MFAP2: variants seen among roughly 807,000 people sequenced by gnomAD.
MFAP2 encodes the protein microfibril associated protein 2.
In MFAP2, 23 loss-of-function variants were observed where a neutral mutation model predicts 30.6. The observed-to-expected ratio is 0.75, with a 90% CI of 0.54 to 1.07. MFAP2 has a LOEUF of 1.07. Ranked by LOEUF, MFAP2 falls within the 50% of genes least tolerant of loss-of-function variation. The probability of loss-of-function intolerance (pLI) is 0.00; values close to 1 mark genes in which losing one functional copy is unlikely to be tolerated. For missense variants in MFAP2, 198 were observed against 223.8 expected (o/e 0.88, Z 0.74); for synonymous variants, 73 against 85.7 (o/e 0.85, Z 0.82).
chr1:16,975,917 G>A lies in MFAP2; in HGVS notation c.287-187C>T, dbSNP rs975224220. ...GACTTCCCAGGGCTGTAATATTCAC[G>A]TATCAATTCACAACCGCACTTACTA... On this transcript the variant is annotated intron_variant, in intron 6 of 8. Coordinates refer to ENST00000375535, the MANE Select transcript of MFAP2 (RefSeq NM_002403.4). The surrounding 1 kb of genome is among the most constrained non-coding windows in gnomAD (Gnocchi z 5.0). Among the ~76,000 whole-genome samples the A allele has an allele frequency of 1.3e-5, 2 of 152,018 alleles. No individual in the cohort carries two copies. Among genetic ancestry groups the A allele is most frequent in the Non-Finnish European group, 2.9e-5 (2 of 68,002 alleles).
In MFAP2 at chr1:16,977,406, GC is replaced by G; in HGVS notation, c.38-209del. 3 of 567,170 alleles carry G rather than the reference GC, an allele frequency of 5.3e-6. No individual in the cohort carries two copies. The South Asian group carries it at 6.7e-5, about 13-fold the overall frequency. 35.1% of individuals were successfully genotyped at this position (567,170 alleles called of 1,614,324 possible). On this transcript the variant is annotated intron_variant, in intron 2 of 8. Transcript: ENST00000375535. ...TGGGTCACCTCCCTGACCTTACCCT[GC>G]CCCTTCCTGTTGCTGGCCTCCTGGC...
rs745309197 is a variant in MFAP2 at position 16,976,968 on chromosome 1, C to T, written c.128-45G>A. 4.3e-6 allele frequency: 7 copies of T among 1,613,950 alleles called. No homozygotes were observed. The highest frequency in any genetic ancestry group is 1.6e-4 in the Middle Eastern group (1 of 6,062). On this transcript the variant is annotated intron_variant, in intron 3 of 8. Coordinates refer to ENST00000375535, the MANE Select transcript of MFAP2 (RefSeq NM_002403.4). The surrounding 1 kb of genome is among the most constrained non-coding windows in gnomAD (Gnocchi z 5.5). ...TGGAATTGGTGGGAGTAAGGCTAAT[C>T]CCCCAGCCCCTGGGGCAAACAAGTT...
chr1:16,980,479 C>T lies in MFAP2; in HGVS notation c.-42+108G>A, dbSNP rs988626281. 10 of 152,188 alleles carry T rather than the reference C, an allele frequency of 6.6e-5. No individual in the cohort carries two copies. In the East Asian group the frequency reaches 1.9e-3, roughly 30 times the overall value. 9.4% of individuals were successfully genotyped at this position (152,188 alleles called of 1,614,324 possible). A position where few individuals can be genotyped will look rare whatever the true frequency, so the allele number is the denominator to read the frequency against. ...GGGGTTCAGGAACCTCCGCGGCTGCCCCAGGATCGAGGACCCAGAGAGCCT... is the reference window on the plus strand; with the variant it reads ...GGGGTTCAGGAACCTCCGCGGCTGCTCCAGGATCGAGGACCCAGAGAGCCT... On this transcript the variant is annotated intron_variant, in intron 1 of 8. Coordinates refer to ENST00000375535, the MANE Select transcript of MFAP2 (RefSeq NM_002403.4).
In MFAP2 at chr1:16,976,592, T is replaced by C; in HGVS notation, c.242-47A>G. The stretch of plus-strand genomic sequence containing the variant: ...GCAGACATCACTGGGAGGGGTCTCC[T>C]CAGGGCAAGGGGAGTCACCTCTCCC... On this transcript the variant is annotated intron_variant, in intron 5 of 8. Coordinates refer to ENST00000375535, the MANE Select transcript of MFAP2 (RefSeq NM_002403.4). This position sits in a 1 kb window ranked among gnomAD's most constrained non-coding sequence, Gnocchi z 5.5. The C allele has an allele frequency of 1.2e-6, 2 of 1,613,574 alleles. No individual in the cohort carries two copies. The highest frequency in any genetic ancestry group is 1.7e-6 in the Non-Finnish European group (2 of 1,179,564).
intron 3 of MFAP2, 64 bp downstream of exon 3, chr1:16,977,045 C>T (rs563419813): frequency 9.9e-6 from 16 of 1,610,644 alleles, no homozygotes; most frequent in East Asian, 6.7e-5. Flanking sequence ...GTGTCCAGTG[C>T]GGTCCCTGGC....
intron 1 of MFAP2, among the ~76,000 whole-genome samples, chr1:16,979,750 G>A (rs2076621969): frequency 1.3e-5 from 2 of 152,242 alleles, no homozygotes; most frequent in South Asian, 4.1e-4. Flanking sequence ...GGTGTTGGGG[G>A]ATGCCTGTCG....
chr1:16,977,496 C>T (rs1248501735), intron 2 of MFAP2: 8 of 368,330 alleles, frequency 2.2e-5, no homozygotes, highest in Admixed American at 4.2e-5. Flanking sequence ...CTCCCTGGGC[C>T]TGTGAGGCCT....
upstream of MFAP2, among the ~76,000 whole-genome samples, chr1:16,981,252 G>A (rs551025241): frequency 6.6e-6 from 1 of 152,280 alleles, no homozygotes; most frequent in East Asian, 1.9e-4. Context: ...TGGGCTGTTG[G>A]GATTACAGGC....
chr1:16,976,447 C>T lies in MFAP2; in HGVS notation c.286+54G>A. The T allele has an allele frequency of 6.2e-7, 1 of 1,611,270 alleles. No individual in the cohort carries two copies. The highest frequency in any genetic ancestry group is 2.2e-5 in the East Asian group (1 of 44,878). On this transcript the variant is annotated intron_variant, in intron 6 of 8. Transcript: ENST00000375535. The surrounding 1 kb of genome is among the most constrained non-coding windows in gnomAD (Gnocchi z 5.5). ...AGCCCACCAGCACCACCCCCTACTC[C>T]ACCCCAACTTCAGGGCGTGCCTCCA...
Position 16,975,678 on chromosome 1 carries a change from AG to A in MFAP2, c.338del (p.Pro113LeufsTer50). ...PCTRLYSIHR[P>X]CKQCLNEVCF... Reference sequence around the variant, plus strand: ...AGACCTCGTTGAGACACTGTTTGCAAGGCCTGTGTATGGAGTAGAGGCGGGT... The same window carrying A: ...AGACCTCGTTGAGACACTGTTTGCAAGCCTGTGTATGGAGTAGAGGCGGGT... On this transcript the variant is annotated frameshift_variant, in exon 7 of 9. Transcript: ENST00000375535. LOFTEE classifies it high-confidence loss of function. This position sits in a 1 kb window ranked among gnomAD's most constrained non-coding sequence, Gnocchi z 5.0. 6.2e-7 allele frequency: 1 copy of A among 1,614,028 alleles called. No individual in the cohort carries two copies. The highest frequency in any genetic ancestry group is 8.5e-7 in the Non-Finnish European group (1 of 1,179,980).
Position 16,976,663 on chromosome 1 carries a change from G to T in MFAP2, c.241+45C>A, listed in dbSNP as rs1243895830. ...CCCAGGGTTGACAGGGTGGGGAGGG[G>T]TGAGGCAGGAGCTGAGACGGGTGGG... On this transcript the variant is annotated intron_variant, in intron 5 of 8. Coordinates refer to ENST00000375535, the MANE Select transcript of MFAP2 (RefSeq NM_002403.4). This position sits in a 1 kb window ranked among gnomAD's most constrained non-coding sequence, Gnocchi z 5.5. 6.2e-7 allele frequency: 1 copy of T among 1,610,320 alleles called. No individual in the cohort carries two copies. The highest frequency in any genetic ancestry group is 8.5e-7 in the Non-Finnish European group (1 of 1,178,054).
At position 16,976,823 on chromosome 1, in the gene MFAP2, G is replaced by A. The variant is rs202195379; in HGVS notation, c.155-29C>T. The A allele has an allele frequency of 8.7e-6, 14 of 1,613,962 alleles. No homozygotes were observed. In the East Asian group the frequency reaches 8.9e-5, roughly 10 times the overall value. On this transcript the variant is annotated intron_variant, in intron 4 of 8. Coordinates refer to ENST00000375535, the MANE Select transcript of MFAP2 (RefSeq NM_002403.4). The surrounding 1 kb of genome is among the most constrained non-coding windows in gnomAD (Gnocchi z 5.5). The stretch of plus-strand genomic sequence containing the variant: ...CAGCCAGGGGAGGATAAGGGGGTCT[G>A]CTCCCTCTACCCCTCCCAGGGGGTC...
In MFAP2 at chr1:16,975,680, G is replaced by T; in HGVS notation, c.337C>A (p.Pro113Thr). The change falls in exon 7 of 9, where the codon CCT (proline) becomes ACT (threonine). Residue 113 changes from proline to threonine, a missense_variant. By Grantham distance (38) the Pro-to-Thr change is conservative. Coordinates refer to ENST00000375535, the MANE Select transcript of MFAP2 (RefSeq NM_002403.4). This position sits in a 1 kb window ranked among gnomAD's most constrained non-coding sequence, Gnocchi z 5.0. ...ACCTCGTTGAGACACTGTTTGCAAG[G>T]CCTGTGTATGGAGTAGAGGCGGGTG... ...PCTRLYSIHRPCKQCLNEVCF... is the reference protein window; with the variant it reads ...PCTRLYSIHRTCKQCLNEVCF... 2 of 1,614,038 alleles carry T rather than the reference G, an allele frequency of 1.2e-6. No individual in the cohort carries two copies. The highest frequency in any genetic ancestry group is 1.7e-6 in the Non-Finnish European group (2 of 1,179,980).
At position 16,976,835 on chromosome 1, in the gene MFAP2, C is replaced by T. The variant is rs1200634355; in HGVS notation, c.155-41G>A. 6.2e-7 allele frequency: 1 copy of T among 1,614,058 alleles called. No homozygotes were observed. Among genetic ancestry groups the T allele is most frequent in the Non-Finnish European group, 8.5e-7 (1 of 1,179,972 alleles). ...GATAAGGGGGTCTGCTCCCTCTACC[C>T]CTCCCAGGGGGTCTCCCCACCCCAG... On this transcript the variant is annotated intron_variant, in intron 4 of 8. Coordinates refer to ENST00000375535, the MANE Select transcript of MFAP2 (RefSeq NM_002403.4). This position sits in a 1 kb window ranked among gnomAD's most constrained non-coding sequence, Gnocchi z 5.5.
In MFAP2 at chr1:16,976,479, CA is replaced by C. The variant is rs1411049953; in HGVS notation, c.286+21del. 6.2e-7 allele frequency: 1 copy of C among 1,614,134 alleles called. No homozygotes were observed. Among genetic ancestry groups the C allele is most frequent in the East Asian group, 2.2e-5 (1 of 44,884 alleles). ...ACTTCAGGGCGTGCCTCCATTTTTC[CA>C]GCTGTCAAGAAAGCCCTTACCAAGA... On this transcript the variant is annotated intron_variant, in intron 6 of 8. Transcript: ENST00000375535. This position sits in a 1 kb window ranked among gnomAD's most constrained non-coding sequence, Gnocchi z 5.5.
Position 16,975,511 on chromosome 1 carries a change from A to C in MFAP2, c.374+132T>G. On this transcript the variant is annotated intron_variant, in intron 7 of 8. Coordinates refer to ENST00000375535, the MANE Select transcript of MFAP2 (RefSeq NM_002403.4). The surrounding 1 kb of genome is among the most constrained non-coding windows in gnomAD (Gnocchi z 5.0). ...GGAGGTCCCTGGCCCAGGCTCAACC[A>C]CAGAACTGAGCTCAACTTAAGGACT... 1 of 1,238,922 alleles carries C rather than the reference A, an allele frequency of 8.1e-7. No individual in the cohort carries two copies. The allele number at this position is 1,238,922 out of a possible 1,614,324, so 76.7% of individuals were successfully genotyped here.
Position 16,975,768 on chromosome 1 carries a change from G to A in MFAP2, c.287-38C>T, listed in dbSNP as rs2076585663. 6.3e-7 allele frequency: 1 copy of A among 1,592,208 alleles called. No individual in the cohort carries two copies. Among genetic ancestry groups the A allele is most frequent in the African/African-American group, 1.3e-5 (1 of 74,438 alleles). On this transcript the variant is annotated intron_variant, in intron 6 of 8. Transcript: ENST00000375535. The surrounding 1 kb of genome is among the most constrained non-coding windows in gnomAD (Gnocchi z 5.0). ...GGGGTCAGACTAGGAGCCCAGAGTG[G>A]GGGGCGGCCCCCAGCCTCACCCACC...
chr1:16,976,979 T>G lies in MFAP2; in HGVS notation c.128-56A>C, dbSNP rs374155216. On this transcript the variant is annotated intron_variant, in intron 3 of 8. Transcript: ENST00000375535. The surrounding 1 kb of genome is among the most constrained non-coding windows in gnomAD (Gnocchi z 5.5). Reference sequence around the variant, plus strand: ...GGAGTAAGGCTAATCCCCCAGCCCCTGGGGCAAACAAGTTCCCTCCTGAGC... The same window carrying G: ...GGAGTAAGGCTAATCCCCCAGCCCCGGGGGCAAACAAGTTCCCTCCTGAGC... 2.5e-6 allele frequency: 4 copies of G among 1,613,864 alleles called. No homozygotes were observed. The highest frequency in any genetic ancestry group is 1.1e-5 in the South Asian group (1 of 91,078).
At position 16,978,321 on chromosome 1, in the gene MFAP2, A is replaced by G; in HGVS notation, c.-41-7T>C. On this transcript the variant is annotated splice_region_variant and splice_polypyrimidine_tract_variant and intron_variant, in intron 1 of 8. Coordinates refer to ENST00000375535, the MANE Select transcript of MFAP2 (RefSeq NM_002403.4). ...GTGGTGTCAGAGAGGACAGCTGGGG[A>G]AAGACCGGTGGGAGAGCTCTACCCA... 1 of 1,557,332 alleles carries G rather than the reference A, an allele frequency of 6.4e-7. No individual in the cohort carries two copies. The highest frequency in any genetic ancestry group is 8.7e-7 in the Non-Finnish European group (1 of 1,148,832).
Sources: allele counts gnomAD v4.1 joint callset (sites outside exome capture counted in the v4.1 genomes callset), GRCh38; gene constraint gnomAD v4.1.1; non-coding constraint Gnocchi (gnomAD v3.1); transcripts MANE v1.5; gene names NCBI Gene and HGNC (gene_info 2026-07-23, HGNC 2026-07-21).